BBS12: variants seen among roughly 807,000 people sequenced by gnomAD.
The protein encoded by BBS12 is Bardet-Biedl syndrome 12.
Under a neutral mutation model 5.6 loss-of-function variants are expected in BBS12, and 5 were observed. The observed-to-expected ratio is 0.89, with a 90% CI of 0.46 to 1.86. The LOEUF (loss-of-function observed/expected upper bound fraction) is 1.86. Among genes scored for constraint, BBS12 ranks in the 40% most tolerant of loss-of-function variants. The pLI is 0.01. For synonymous variants in BBS12, 308 were observed against 306.8 expected (o/e 1.00, Z -0.04); for missense variants, 748 against 830.4 (o/e 0.90, Z 1.22).
At chr4:122,703,544 A>G in the BBS12 span, among the ~76,000 whole-genome samples, 1 of 152,158 alleles carries the variant, frequency 6.6e-6, no homozygotes, top group African/African-American at 2.4e-5. Flanking sequence ...CCCATCTCTT[A>G]AAAAATAAAA....
rs576623256 is a variant in BBS12 at position 122,741,786 on chromosome 4, C to G, written c.-10-97C>G. 1,478 of 1,020,506 alleles carry G rather than the reference C, an allele frequency of 1.4e-3. 3 individuals are homozygous for G. Among genetic ancestry groups the G allele is most frequent in the Non-Finnish European group, 1.9e-3 (1,268 of 678,140 alleles). The allele number at this position is 1,020,506 out of a possible 1,614,324, so 63.2% of individuals were successfully genotyped here. On this transcript the variant is annotated intron_variant, in intron 1 of 1. Coordinates refer to ENST00000314218, the MANE Select transcript of BBS12 (RefSeq NM_152618.3). ...CACTTTTCATGGAAATTATATGTAC[C>G]TCAAAAGCAGGGAGCATATCTTGTT...
intron 1 of BBS12, among the ~76,000 whole-genome samples, chr4:122,738,288 G>A (rs553956747): frequency 6.6e-6 from 1 of 152,148 alleles, no homozygotes; most frequent in South Asian, 2.1e-4. Context: ...TCGGCTCACT[G>A]CAGGCTCCAC....
chr4:122,721,795 A>T, the BBS12 span, among the ~76,000 whole-genome samples: 2 of 152,196 alleles, frequency 1.3e-5, no homozygotes, highest in Non-Finnish European at 2.9e-5. Context: ...ACCTATCCTC[A>T]GAAGTCATAT....
At chr4:122,701,664 C>T in the BBS12 span, among the ~76,000 whole-genome samples, 2 of 152,126 alleles carry the variant, frequency 1.3e-5, no homozygotes, top group African/African-American at 4.8e-5. Context: ...GAGAAGTAGG[C>T]ACTAGTGACA....
the BBS12 span, among the ~76,000 whole-genome samples, chr4:122,722,008 A>G: frequency 6.6e-6 from 1 of 152,098 alleles, no homozygotes; most frequent in South Asian, 2.1e-4. Flanking sequence ...TCAGTTACAA[A>G]TCATTATAAA....
chr4:122,713,009 A>G, the BBS12 span, among the ~76,000 whole-genome samples: 5 of 152,336 alleles, frequency 3.3e-5, no homozygotes, highest in African/African-American at 1.2e-4. Flanking sequence ...TCATTGAAAC[A>G]TGCAGGTTGT....
At chr4:122,727,487 G>A in the BBS12 span, among the ~76,000 whole-genome samples, 16 of 149,274 alleles carry the variant, frequency 1.1e-4, no homozygotes, top group Non-Finnish European at 1.5e-4. Flanking sequence ...CTCGTAATGC[G>A]CCTGCCTCAG....
the BBS12 span, among the ~76,000 whole-genome samples, chr4:122,723,898 G>C: frequency 1.5e-3 from 224 of 152,246 alleles, no homozygotes; most frequent in African/African-American, 4.9e-3. Context: ...TTTCAGATGC[G>C]TGTGTGACAA....
At chr4:122,734,708 G>A (rs187011714) in intron 1 of BBS12, among the ~76,000 whole-genome samples, 1 of 152,294 alleles carries the variant, frequency 6.6e-6, no homozygotes, top group Admixed American at 6.5e-5. Context: ...TGGCGGAGTA[G>A]TATATTAACC....
At chr4:122,736,076 TAC>T (rs1800779620) in intron 1 of BBS12, among the ~76,000 whole-genome samples, 1 of 152,100 alleles carries the variant, frequency 6.6e-6, no homozygotes, top group Admixed American at 6.5e-5. Context: ...TGCAAAGCAT[TAC>T]AAAAAGAGGC....
At chr4:122,723,233 G>C in the BBS12 span, among the ~76,000 whole-genome samples, 2 of 152,100 alleles carry the variant, frequency 1.3e-5, no homozygotes, top group Non-Finnish European at 2.9e-5. Context: ...ATCCTTGTAG[G>C]TTCCGGTAAC....
the BBS12 span, among the ~76,000 whole-genome samples, chr4:122,706,457 G>A: frequency 6.6e-6 from 1 of 152,062 alleles, no homozygotes; most frequent in Admixed American, 6.6e-5. Flanking sequence ...GGAGGGATCA[G>A]GGGTAACCAG....
At chr4:122,716,713 A>ACATGTG in the BBS12 span, among the ~76,000 whole-genome samples, 6 of 121,534 alleles carry the variant, frequency 4.9e-5, no homozygotes, top group African/African-American at 2.1e-4. Flanking sequence ...ATACATACAC[A>ACATGTG]TATGTGTGTA....
chr4:122,737,952 G>A (rs1202508135), intron 1 of BBS12, among the ~76,000 whole-genome samples: 3 of 152,168 alleles, frequency 2.0e-5, no homozygotes, highest in Admixed American at 6.5e-5. Flanking sequence ...ATGGTACTGG[G>A]ACAATTGGAT....
At chr4:122,716,905 A>AT in the BBS12 span, among the ~76,000 whole-genome samples, 1 of 152,296 alleles carries the variant, frequency 6.6e-6, no homozygotes, top group South Asian at 2.1e-4. Flanking sequence ...ATTATGCTAG[A>AT]TAAATTAAAT....
chr4:122,703,398 C>T, the BBS12 span, among the ~76,000 whole-genome samples: 1 of 152,104 alleles, frequency 6.6e-6, no homozygotes, highest in Non-Finnish European at 1.5e-5. Flanking sequence ...CTTTCCAAGC[C>T]AAGGGTAGTG....
At position 122,743,000 on chromosome 4, in the gene BBS12, C is replaced by T. The variant is rs777279530; in HGVS notation, c.1108C>T (p.Leu370=). Residue 370 remains leucine, a synonymous_variant, in exon 2 of 2, where the codon CTG becomes TTG. Coordinates refer to ENST00000314218, the MANE Select transcript of BBS12 (RefSeq NM_152618.3). ...TGACCTCACAGAGAATTACCGCCAC[C>T]TGGGATTTAATAAGTCTGCAAATAT... The part of the protein sequence containing the change: ...EGDLTENYRH[L]GFNKSANIKT... 14 of 1,614,070 alleles carry T rather than the reference C, an allele frequency of 8.7e-6. No homozygotes were observed. The highest frequency in any genetic ancestry group is 1.1e-5 in the South Asian group (1 of 91,086).
At chr4:122,738,035 C>G (rs1026121011) in intron 1 of BBS12, among the ~76,000 whole-genome samples, 1 of 152,136 alleles carries the variant, frequency 6.6e-6, no homozygotes, top group African/African-American at 2.4e-5. Flanking sequence ...AATGGGTCAA[C>G]AAACTAAATA....
At chr4:122,707,124 A>G in the BBS12 span, among the ~76,000 whole-genome samples, 1 of 137,946 alleles carries the variant, frequency 7.2e-6, no homozygotes, top group African/African-American at 2.8e-5. Context: ...GCTGTCCTCG[A>G]ACTCATGGGC....
Sources: gnomAD v4.1 joint callset for allele counts (sites outside exome capture counted in the v4.1 genomes callset) on GRCh38, gnomAD v4.1.1 for gene constraint, MANE v1.5 for transcripts, NCBI Gene and HGNC (gene_info 2026-07-23, HGNC 2026-07-21) for gene names.